The following TENM4 variants were observed in gnomAD, a reference collection of about 807,000 sequenced individuals.
The protein encoded by TENM4 is teneurin-4.
TENM4 carries 82 observed loss-of-function variants against 243.3 expected under a neutral mutation model. The ratio of observed to expected loss-of-function variants is 0.34; its 90% CI spans 0.28 to 0.40. The LOEUF is 0.40. Ranked by LOEUF, TENM4 falls within the 10% of genes least tolerant of loss-of-function variation. The pLI is 1.00. For synonymous variants in TENM4, 1,412 were observed against 1,456.3 expected (o/e 0.97, Z 0.69); for missense variants, 3,138 against 3,673.3 (o/e 0.85, Z 3.77).
At chr11:79,205,349 G>A (rs971799789) in intron 3 of TENM4, among the ~76,000 whole-genome samples, 2 of 152,108 alleles carry the variant, frequency 1.3e-5, no homozygotes, top group African/African-American at 4.8e-5. Context: ...ACTCATGTGT[G>A]TATGGGTTAA....
At chr11:78,939,869 A>C (rs1856853280) in intron 6 of TENM4, among the ~76,000 whole-genome samples, 1 of 152,150 alleles carries the variant, frequency 6.6e-6, no homozygotes, top group African/African-American at 2.4e-5. Context: ...TCTTCAGATA[A>C]ATCTCTTATC....
chr11:78,984,614 G>GC (rs1857877191), intron 6 of TENM4, among the ~76,000 whole-genome samples: 1 of 152,076 alleles, frequency 6.6e-6, no homozygotes, highest in African/African-American at 2.4e-5. Flanking sequence ...TATTTCAGTT[G>GC]CATTGAGCTC....
At chr11:79,326,528 C>T (rs990281691) in intron 1 of TENM4, among the ~76,000 whole-genome samples, 11 of 152,226 alleles carry the variant, frequency 7.2e-5, no homozygotes, top group African/African-American at 9.6e-5. Flanking sequence ...TCTTGCAACA[C>T]CTGTTGTATT....
rs567606356 is a variant in TENM4 at position 78,912,280 on chromosome 11, A to C, written c.494-8757T>G. Among the ~76,000 whole-genome samples the C allele has an allele frequency of 2.1e-3, 323 of 152,306 alleles. 3 individuals carry two copies. The highest frequency in any genetic ancestry group is 7.4e-3 in the African/African-American group (308 of 41,554). ...CTCACCCCGACTTCCAGTGAGACAG[A>C]GTCTTGCTCTGTTGCCCAGGCTGGA... On this transcript the variant is annotated intron_variant, in intron 6 of 33. Coordinates refer to ENST00000278550, the MANE Select transcript of TENM4 (RefSeq NM_001098816.3).
intron 1 of TENM4, among the ~76,000 whole-genome samples, chr11:79,370,418 G>A (rs1226680800): frequency 6.6e-6 from 1 of 152,204 alleles, no homozygotes. Context: ...GCCCTCCTGG[G>A]GGAAACCTGC....
chr11:79,271,744 G>A (rs534667464), intron 2 of TENM4, among the ~76,000 whole-genome samples: 1 of 152,224 alleles, frequency 6.6e-6, no homozygotes, highest in African/African-American at 2.4e-5. Flanking sequence ...CTCCCACAGG[G>A]TCCTGGGGTG....
At chr11:78,708,716 T>A (rs1859319597) in intron 26 of TENM4, among the ~76,000 whole-genome samples, 1 of 152,128 alleles carries the variant, frequency 6.6e-6, no homozygotes, top group Non-Finnish European at 1.5e-5. Context: ...GATTAGAACT[T>A]TTTCAGATCT....
intron 23 of TENM4, among the ~76,000 whole-genome samples, chr11:78,725,661 C>T (rs1279026098): frequency 2.0e-5 from 3 of 152,206 alleles, no homozygotes; most frequent in African/African-American, 7.2e-5. Flanking sequence ...AAATGTTCTC[C>T]CTACTTGATA....
At chr11:79,286,934 T>C (rs1220148087) in intron 2 of TENM4, among the ~76,000 whole-genome samples, 2 of 152,222 alleles carry the variant, frequency 1.3e-5, no homozygotes, top group Non-Finnish European at 2.9e-5. Context: ...GGAAACTTGA[T>C]AGCCACAAAT....
chr11:78,729,681 T>G, intron 21 of TENM4, 38 bp from the exon 22 acceptor site: 2 of 1,562,418 alleles, frequency 1.3e-6, no homozygotes. Flanking sequence ...GGGACGGTCG[T>G]CGACTCACCG....
chr11:79,190,145 AT>A (rs1334845086), intron 3 of TENM4, among the ~76,000 whole-genome samples: 1 of 152,190 alleles, frequency 6.6e-6, no homozygotes, highest in Non-Finnish European at 1.5e-5. Flanking sequence ...GTACTCCCCT[AT>A]TTGCCTGTTT....
intron 2 of TENM4, among the ~76,000 whole-genome samples, chr11:79,260,086 T>C (rs1402836061): frequency 6.6e-6 from 1 of 152,200 alleles, no homozygotes; most frequent in Non-Finnish European, 1.5e-5. Flanking sequence ...TGAACAAACA[T>C]TGTGCCTCAA....
intron 6 of TENM4, among the ~76,000 whole-genome samples, chr11:78,985,742 T>C (rs1857902607): frequency 6.6e-6 from 1 of 152,242 alleles, no homozygotes; most frequent in Admixed American, 6.5e-5. Context: ...TTTTAAATTT[T>C]TTTTTTATTG....
chr11:79,182,536 CCAAAAGCACAATTCTTGAAAG>C (rs1170193290), intron 3 of TENM4, among the ~76,000 whole-genome samples: 1 of 151,832 alleles, frequency 6.6e-6, no homozygotes, highest in East Asian at 1.9e-4. Flanking sequence ...AGATGAAATG[CCAAAAGCACAATTCTTGAAAG>C]AAATAATTGA....
intron 6 of TENM4, among the ~76,000 whole-genome samples, chr11:78,953,234 T>A (rs934207909): frequency 6.6e-6 from 1 of 152,198 alleles, no homozygotes; most frequent in African/African-American, 2.4e-5. Context: ...TGAGACTACA[T>A]GCTATGTTTG....
intron 6 of TENM4, among the ~76,000 whole-genome samples, chr11:78,998,721 C>T (rs1289022384): frequency 6.6e-6 from 1 of 152,138 alleles, no homozygotes; most frequent in African/African-American, 2.4e-5. Flanking sequence ...GCAGCTGATG[C>T]CCATGGCTGG....
intron 6 of TENM4, among the ~76,000 whole-genome samples, chr11:79,004,166 G>A (rs1858411567): frequency 6.6e-6 from 1 of 152,196 alleles, no homozygotes; most frequent in South Asian, 2.1e-4. Flanking sequence ...TCTAGAAAGA[G>A]AGTTGGGTAA....
chr11:79,034,343 T>A (rs1473695498), intron 6 of TENM4, among the ~76,000 whole-genome samples: 1 of 152,212 alleles, frequency 6.6e-6, no homozygotes, highest in Non-Finnish European at 1.5e-5. Context: ...ATGCTGGGGC[T>A]GAGAGGGCCT....
chr11:79,006,029 A>G (rs563891055), intron 6 of TENM4, among the ~76,000 whole-genome samples: 1 of 152,250 alleles, frequency 6.6e-6, no homozygotes. Flanking sequence ...GAATTATATT[A>G]GAAATCACCA....
Sources: allele counts gnomAD v4.1 joint callset (sites outside exome capture counted in the v4.1 genomes callset), GRCh38; gene constraint gnomAD v4.1.1; transcripts MANE v1.5; gene names NCBI Gene and HGNC (gene_info 2026-07-23, HGNC 2026-07-21).